Variants in PXDNL observed in about 807,000 individuals in gnomAD.
PXDNL encodes the protein probable oxidoreductase PXDNL.
In PXDNL, 145 loss-of-function variants were observed where a neutral mutation model predicts 150.8. That is an observed-to-expected ratio of 0.96 (90% confidence interval 0.84 to 1.10). The LOEUF (loss-of-function observed/expected upper bound fraction) is 1.10, where lower values mean the gene tolerates loss of function less well. Ranked by LOEUF, PXDNL falls within the 50% of genes least tolerant of loss-of-function variation. PXDNL has a pLI of 0.00. For synonymous variants in PXDNL, 757 were observed against 725.7 expected, an observed-to-expected ratio of 1.04 and a Z score of -0.69; for missense variants, 2,087 against 1,873.9, an observed-to-expected ratio of 1.11 and a Z score of -2.10.
chr8:51,322,742 C>G (rs1805363712), intron 21 of PXDNL, among the ~76,000 whole-genome samples: 1 of 152,154 alleles, frequency 6.6e-6, no homozygotes, highest in African/African-American at 2.4e-5. Context: ...AGCAAAAAGT[C>G]TTGATGTGAA....
intron 5 of PXDNL, among the ~76,000 whole-genome samples, chr8:51,498,940 A>G (rs779727327): frequency 1.9e-4 from 29 of 151,772 alleles, no homozygotes; most frequent in Non-Finnish European, 3.8e-4. Context: ...TTATTTCTCT[A>G]CTCTTTTGTT....
At chr8:51,685,350 G>A (rs908927581) in intron 1 of PXDNL, among the ~76,000 whole-genome samples, 1 of 152,172 alleles carries the variant, frequency 6.6e-6, no homozygotes, top group Non-Finnish European at 1.5e-5. Context: ...TTGTCTAACA[G>A]GCCATGCCTT....
At chr8:51,578,549 CCAAACTGCCATA>C (rs1350649256) in intron 3 of PXDNL, among the ~76,000 whole-genome samples, 31 of 151,508 alleles carry the variant, frequency 2.0e-4, no homozygotes, top group African/African-American at 7.5e-4. Flanking sequence ...TCATTTAGCC[CCAAACTGCCATA>C]CAAATTTAAA....
intron 2 of PXDNL, among the ~76,000 whole-genome samples, chr8:51,641,998 C>A (rs1216293732): frequency 1.3e-5 from 2 of 151,324 alleles, no homozygotes; most frequent in African/African-American, 4.9e-5. Context: ...AAATGTGGCA[C>A]ATATACACCA....
At chr8:51,610,092 T>G (rs1259046735) in intron 2 of PXDNL, among the ~76,000 whole-genome samples, 1 of 152,194 alleles carries the variant, frequency 6.6e-6, no homozygotes, top group Non-Finnish European at 1.5e-5. Flanking sequence ...AATTCACATT[T>G]AATTAAAGTC....
chr8:51,380,286 C>T (rs1807493559), intron 17 of PXDNL, among the ~76,000 whole-genome samples: 2 of 152,188 alleles, frequency 1.3e-5, no homozygotes, highest in African/African-American at 4.8e-5. Context: ...AACATCAAGC[C>T]ACCCTACCAT....
chr8:51,558,353 T>A (rs949906411), intron 3 of PXDNL, among the ~76,000 whole-genome samples: 1 of 152,060 alleles, frequency 6.6e-6, no homozygotes, highest in Non-Finnish European at 1.5e-5. Flanking sequence ...TGTTACTAGG[T>A]ACAGAACAGG....
intron 17 of PXDNL, among the ~76,000 whole-genome samples, chr8:51,402,784 A>T (rs1808296294): frequency 6.6e-6 from 1 of 152,048 alleles, no homozygotes; most frequent in Admixed American, 6.5e-5. Flanking sequence ...CAGAGTGGCC[A>T]GGCGTGGTGT....
At chr8:51,657,975 T>C (rs1301682942) in intron 1 of PXDNL, among the ~76,000 whole-genome samples, 2 of 152,166 alleles carry the variant, frequency 1.3e-5, no homozygotes, top group Non-Finnish European at 1.5e-5. Flanking sequence ...TGTAAGACTC[T>C]GCCCACTGAC....
At chr8:51,705,826 TGTGTGTGCGCGCGC>T (rs1298157901) in intron 1 of PXDNL, among the ~76,000 whole-genome samples, 1 of 62,320 alleles carries the variant, frequency 1.6e-5, no homozygotes, top group East Asian at 5.7e-4. Flanking sequence ...TGTGTGTGTG[TGTGTGTGCGCGCGC>T]GCGCGCGCGC....
intron 17 of PXDNL, among the ~76,000 whole-genome samples, chr8:51,390,328 C>A (rs769083092): frequency 6.6e-6 from 1 of 152,100 alleles, no homozygotes; most frequent in Non-Finnish European, 1.5e-5. Flanking sequence ...TTTCCTGTGG[C>A]AACCAATGAA....
At chr8:51,474,735 A>G (rs555585286) in intron 7 of PXDNL, among the ~76,000 whole-genome samples, 18 of 152,308 alleles carry the variant, frequency 1.2e-4, no homozygotes, top group Non-Finnish European at 1.5e-4. Flanking sequence ...GAAATTACGG[A>G]AATTAGATTA....
At chr8:51,787,352 T>C (rs2037469761) in intron 1 of PXDNL, among the ~76,000 whole-genome samples, 1 of 152,210 alleles carries the variant, frequency 6.6e-6, no homozygotes, top group African/African-American at 2.4e-5. Context: ...CAAAGTACAC[T>C]GAAAACCTTC....
chr8:51,449,842 T>C (rs1809763085), intron 10 of PXDNL, among the ~76,000 whole-genome samples: 1 of 152,064 alleles, frequency 6.6e-6, no homozygotes, highest in South Asian at 2.1e-4. Flanking sequence ...GGTGTCCCAA[T>C]CCAGATCCCA....
intron 1 of PXDNL, among the ~76,000 whole-genome samples, chr8:51,731,658 T>A (rs1816934912): frequency 6.6e-6 from 1 of 152,236 alleles, no homozygotes; most frequent in Non-Finnish European, 1.5e-5. Context: ...GCAGCACACC[T>A]ATGCCTGGAC....
At chr8:51,747,468 C>T (rs189729402) in intron 1 of PXDNL, among the ~76,000 whole-genome samples, 38 of 152,288 alleles carry the variant, frequency 2.5e-4, no homozygotes, top group Admixed American at 1.0e-3. Context: ...TACAAACTAA[C>T]CACAACACAA....
intron 19 of PXDNL, among the ~76,000 whole-genome samples, chr8:51,347,711 G>A (rs1490255801): frequency 6.7e-6 from 1 of 148,462 alleles, no homozygotes; most frequent in Admixed American, 6.6e-5. Flanking sequence ...CCAAAGTGCT[G>A]AGATTACTGT....
chr8:51,446,864 T>C, intron 12 of PXDNL, 140 bp downstream of exon 12: 1 of 493,722 alleles, frequency 2.0e-6, no homozygotes, highest in Non-Finnish European at 3.4e-6. Flanking sequence ...TGGAAGAAGA[T>C]ATCAAATTTG....
chr8:51,448,717 A>G (rs898861857), intron 11 of PXDNL, among the ~76,000 whole-genome samples: 111 of 151,976 alleles, frequency 7.3e-4, no homozygotes, highest in African/African-American at 2.5e-3. Context: ...ACAAACAAAC[A>G]AACAAACAAA....
Sources: gnomAD v4.1 joint callset for allele counts (sites outside exome capture counted in the v4.1 genomes callset) on GRCh38, gnomAD v4.1.1 for gene constraint, MANE v1.5 for transcripts, NCBI Gene and HGNC (gene_info 2026-07-23, HGNC 2026-07-21) for gene names.